The following SIN3A variants were observed in gnomAD, a reference collection of about 807,000 sequenced individuals.
The protein encoded by SIN3A is SIN3 transcription regulator family member A, also known as paired amphipathic helix protein Sin3a.
A neutral mutation model predicts 146.1 loss-of-function variants in SIN3A; 14 were observed. That is an observed-to-expected ratio of 0.10 (90% CI 0.06 to 0.15). The LOEUF (loss-of-function observed/expected upper bound fraction) is 0.15, where lower values mean the gene tolerates loss of function less well. Among genes scored for constraint, SIN3A ranks in the 10% least tolerant of loss-of-function variants. The pLI is 1.00. For missense variants in SIN3A, 1,028 were observed against 1,576.0 expected, an observed-to-expected ratio of 0.65 and a Z score of 5.89; for synonymous variants, 572 against 572.0, an observed-to-expected ratio of 1.00 and a Z score of 0.00.
chr15:75,410,748 T>C (rs1217229008), intron 6 of SIN3A, among the ~76,000 whole-genome samples: 1 of 152,056 alleles, frequency 6.6e-6, no homozygotes, highest in Non-Finnish European at 1.5e-5. Flanking sequence ...CATGGGACAG[T>C]GACTAACAAT....
chr15:75,430,331 G>C lies in SIN3A; in HGVS notation c.45C>G (p.Ala15=), dbSNP rs758264389. Residue 15 remains alanine (A), a synonymous_variant, in exon 2 of 21, where the codon GCC becomes GCG. Transcript: ENST00000394947. The part of the protein sequence containing the change: ...LDDQESPVYA[A]QQRRIPGSTE... ...TGCTGCCAGGGATCCGACGCTGCTG[G>C]GCTGCATACACCGGTGACTCCTGGT... is the stretch of plus-strand genomic sequence containing the variant. The C allele has an allele frequency of 6.2e-6, 10 of 1,613,942 alleles. No individual in the cohort carries two copies. Among genetic ancestry groups the C allele is most frequent in the Middle Eastern group, 1.6e-4 (1 of 6,066 alleles).
At chr15:75,398,667 T>C (rs1372223329) in intron 12 of SIN3A, among the ~76,000 whole-genome samples, 1 of 151,590 alleles carries the variant, frequency 6.6e-6, no homozygotes, top group Non-Finnish European at 1.5e-5. Flanking sequence ...GACAGAGCAA[T>C]ACTCTGTCTT....
chr15:75,387,558 C>T (rs1246274836), intron 16 of SIN3A, among the ~76,000 whole-genome samples: 5 of 102,336 alleles, frequency 4.9e-5, no homozygotes, highest in African/African-American at 2.1e-4. Context: ...AACCTGTTTC[C>T]ATTAAAAAAA....
intron 3 of SIN3A, among the ~76,000 whole-genome samples, chr15:75,418,600 G>A (rs1379015335): frequency 3.3e-5 from 5 of 152,138 alleles, no homozygotes; most frequent in African/African-American, 9.7e-5. Flanking sequence ...GATTATAGGC[G>A]TGAGCCACCG....
chr15:75,414,569 T>C (rs948610834), intron 3 of SIN3A, among the ~76,000 whole-genome samples: 1 of 152,194 alleles, frequency 6.6e-6, no homozygotes, highest in Non-Finnish European at 1.5e-5. Flanking sequence ...TACAATGATA[T>C]ATCATTTATT....
chr15:75,429,139 G>A (rs984208811), intron 2 of SIN3A, among the ~76,000 whole-genome samples: 1 of 152,136 alleles, frequency 6.6e-6, no homozygotes, highest in Non-Finnish European at 1.5e-5. Context: ...TTATACATTG[G>A]CCAGACGCAG....
chr15:75,408,937 C>G (rs1381635380), intron 8 of SIN3A, among the ~76,000 whole-genome samples: 1 of 152,222 alleles, frequency 6.6e-6, no homozygotes, highest in East Asian at 1.9e-4. Context: ...GGCGCGGTGG[C>G]TCACGCCTGT....
intron 9 of SIN3A, among the ~76,000 whole-genome samples, chr15:75,403,581 TC>T (rs1187421850): frequency 6.6e-6 from 1 of 151,002 alleles, no homozygotes; most frequent in Non-Finnish European, 1.5e-5. Context: ...ACTATTGTTG[TC>T]CTGGCTGGAG....
intron 10 of SIN3A, 103 bp downstream of exon 10, chr15:75,401,749 T>C: frequency 4.2e-6 from 3 of 715,280 alleles, no homozygotes; most frequent in Non-Finnish European, 7.3e-6. Context: ...AGTCAACTGA[T>C]GTATCTCAAG....
upstream of SIN3A, among the ~76,000 whole-genome samples, chr15:75,454,625 C>T (rs1177732270): frequency 1.3e-5 from 2 of 151,994 alleles, no homozygotes; most frequent in East Asian, 3.9e-4. Context: ...ACTGTTTTCC[C>T]AGTTTCCGAC....
In SIN3A at chr15:75,396,287, G is replaced by A; in HGVS notation, c.2064C>T (p.Pro688=). 3 of 1,614,052 alleles carry A rather than the reference G, an allele frequency of 1.9e-6. No homozygotes were observed. The highest frequency in any genetic ancestry group is 2.5e-6 in the Non-Finnish European group (3 of 1,179,908). ...ADIIDGLRKN[P]SIAVPIVLKR... is the part of the protein sequence containing the mutation. ...TAAGGACAATTGGAACAGCAATGGA[G>A]GGATTCTTTCTCAGACCATCAATGA... Residue 688 remains proline (P), a synonymous_variant, in exon 13 of 21, where the codon CCC becomes CCT. Coordinates refer to ENST00000394947, the MANE Select transcript of SIN3A (RefSeq NM_001145358.2).
At chr15:75,417,378 CTT>C (rs34223540) in intron 3 of SIN3A, among the ~76,000 whole-genome samples, 17 of 140,758 alleles carry the variant, frequency 1.2e-4, no homozygotes, top group Middle Eastern at 3.6e-3. Flanking sequence ...CAGTCTTTTT[CTT>C]TTTTTTTTTT....
At chr15:75,424,290 C>G (rs2073888308) in intron 2 of SIN3A, among the ~76,000 whole-genome samples, 1 of 151,882 alleles carries the variant, frequency 6.6e-6, no homozygotes. Flanking sequence ...CAAAATTAGA[C>G]AGGCATGGTG....
At chr15:75,438,324 C>A (rs1379015231) in intron 1 of SIN3A, among the ~76,000 whole-genome samples, 1 of 152,034 alleles carries the variant, frequency 6.6e-6, no homozygotes, top group Non-Finnish European at 1.5e-5. Context: ...GAGATCGCGC[C>A]ACCGCATTCC....
intron 1 of SIN3A, among the ~76,000 whole-genome samples, chr15:75,450,924 G>A (rs2074393075): frequency 2.0e-5 from 3 of 152,156 alleles, no homozygotes; most frequent in African/African-American, 7.2e-5. Flanking sequence ...GGATCAGTAC[G>A]GCCCCTCCGG....
At chr15:75,406,346 T>C (rs1276680527) in intron 9 of SIN3A, among the ~76,000 whole-genome samples, 1 of 152,228 alleles carries the variant, frequency 6.6e-6, no homozygotes, top group Non-Finnish European at 1.5e-5. Flanking sequence ...AGAATTCCCC[T>C]GAATGCTATG....
Position 75,379,975 on chromosome 15 carries a change from T to TGGG in SIN3A, c.3383+653_3383+654insCCC, listed in dbSNP as rs1227276783. Among the ~76,000 whole-genome samples the TGGG allele has an allele frequency of 2.0e-4, 31 of 152,344 alleles. No homozygotes were observed. The South Asian group carries it at 4.6e-3, about 22-fold the overall frequency. On this transcript the variant is annotated intron_variant, in intron 19 of 20. Coordinates refer to ENST00000394947, the MANE Select transcript of SIN3A (RefSeq NM_001145358.2). The stretch of plus-strand genomic sequence containing the variant: ...ATTTTGGGCAATGTTCTACCATTCC[T>TGGG]TAACTCATATAAGTGTCTCACTGTA...
intron 1 of SIN3A, among the ~76,000 whole-genome samples, chr15:75,450,560 A>G (rs1282019977): frequency 3.9e-5 from 6 of 152,208 alleles, no homozygotes; most frequent in South Asian, 2.1e-4. Context: ...CTTCGCCCCA[A>G]TAGTTACAAC....
chr15:75,383,033 G>C (rs561695135), intron 17 of SIN3A, among the ~76,000 whole-genome samples: 44 of 151,972 alleles, frequency 2.9e-4, no homozygotes, highest in South Asian at 2.1e-3. Flanking sequence ...GTTGCAGTGA[G>C]CTGAAATAGC....
Sources: allele counts gnomAD v4.1 joint callset (sites outside exome capture counted in the v4.1 genomes callset), GRCh38; gene constraint gnomAD v4.1.1; transcripts MANE v1.5; gene names NCBI Gene and HGNC (gene_info 2026-07-23, HGNC 2026-07-21).